MAML3: variants seen among roughly 807,000 people sequenced by gnomAD.
MAML3 encodes the protein mastermind-like protein 3.
MAML3 carries 27 observed loss-of-function variants against 101.9 expected under a neutral mutation model. The ratio of observed to expected loss-of-function variants is 0.27; its 90% CI spans 0.20 to 0.37. The LOEUF (loss-of-function observed/expected upper bound fraction) is 0.37, where lower values mean the gene tolerates loss of function less well. MAML3 is among the 10% of genes least tolerant of loss of function. The pLI, the probability that MAML3 is intolerant of heterozygous loss-of-function variation, is 1.00. For synonymous variants in MAML3, 501 were observed against 555.9 expected, an observed-to-expected ratio of 0.90 and a Z score of 1.39; for missense variants, 1,316 against 1,444.9, an observed-to-expected ratio of 0.91 and a Z score of 1.45.
chr4:139,771,613 C>T (rs770316529), intron 2 of MAML3, among the ~76,000 whole-genome samples: 10 of 152,178 alleles, frequency 6.6e-5, no homozygotes, highest in African/African-American at 9.7e-5. Flanking sequence ...CACTGCTCCT[C>T]TAGAGTTTAG....
Position 139,716,765 on chromosome 4 carries a change from A to C in MAML3, c.*2558T>G, listed in dbSNP as rs569749705. The C allele has an allele frequency of 1.3e-5, 2 of 152,476 alleles. No individual in the cohort carries two copies. Among genetic ancestry groups the C allele is most frequent in the East Asian group, 3.8e-4 (2 of 5,204 alleles). The allele number at this position is 152,476 out of a possible 1,614,324, so 9.4% of individuals were successfully genotyped here. ...ACTATACTTTGGATTGATTCAGATAATCTTTTATTTTTGTTTTTGTTTTCT... is the reference window on the plus strand; with the variant it reads ...ACTATACTTTGGATTGATTCAGATACTCTTTTATTTTTGTTTTTGTTTTCT... On this transcript the variant is annotated 3_prime_UTR_variant, in exon 5 of 5. Coordinates refer to ENST00000509479, the MANE Select transcript of MAML3 (RefSeq NM_018717.5).
At chr4:139,724,147 G>T (rs1416067476) in intron 4 of MAML3, among the ~76,000 whole-genome samples, 1 of 152,194 alleles carries the variant, frequency 6.6e-6, no homozygotes, top group Non-Finnish European at 1.5e-5. Flanking sequence ...GTCCTTCCCT[G>T]TGTCAAGGCC....
At chr4:139,769,031 A>G (rs749620107) in intron 2 of MAML3, among the ~76,000 whole-genome samples, 1 of 152,232 alleles carries the variant, frequency 6.6e-6, no homozygotes, top group Non-Finnish European at 1.5e-5. Context: ...TGCTTTGGTA[A>G]CAACAAGGTG....
intron 2 of MAML3, among the ~76,000 whole-genome samples, chr4:139,812,449 G>C (rs952983200): frequency 1.3e-5 from 2 of 152,162 alleles, no homozygotes; most frequent in African/African-American, 4.8e-5. Flanking sequence ...TAAAAGGGTT[G>C]GTGGTTTTAC....
In MAML3 at chr4:139,720,081, G is replaced by A; in HGVS notation, c.2659C>T (p.Gln887Ter). 6.2e-7 allele frequency: 1 copy of A among 1,614,056 alleles called. No individual in the cohort carries two copies. Among genetic ancestry groups the A allele is most frequent in the Non-Finnish European group, 8.5e-7 (1 of 1,179,904 alleles). Residue 887 changes from glutamine to a stop codon, truncating the protein, a stop_gained, in exon 5 of 5, where the codon CAA becomes TAA. Transcript: ENST00000509479. LOFTEE classifies it high-confidence loss of function. ...TTATGTGTGATGCTCATGCCACTTTGGTTTGGATGCTGCAACATTTGGGTC... is the reference window on the plus strand; with the variant it reads ...TTATGTGTGATGCTCATGCCACTTTAGTTTGGATGCTGCAACATTTGGGTC... ...GMTQMLQHPN[Q>*]SGMSITHNQA... is the part of the protein sequence containing the mutation.
At chr4:139,887,209 T>C (rs906747519) in intron 2 of MAML3, among the ~76,000 whole-genome samples, 2 of 152,158 alleles carry the variant, frequency 1.3e-5, no homozygotes, top group Non-Finnish European at 2.9e-5. Flanking sequence ...AAGAAATAAA[T>C]GATATGTTTG....
At chr4:139,867,037 G>C (rs2111172551) in intron 2 of MAML3, among the ~76,000 whole-genome samples, 1 of 152,314 alleles carries the variant, frequency 6.6e-6, no homozygotes, top group South Asian at 2.1e-4. Flanking sequence ...AAAGAGGCTT[G>C]CTTTAATGAA....
chr4:139,816,822 T>C (rs1279059764), intron 2 of MAML3, among the ~76,000 whole-genome samples: 3 of 152,114 alleles, frequency 2.0e-5, no homozygotes, highest in African/African-American at 7.2e-5. Flanking sequence ...TCAACATTTA[T>C]CTTGTCCTAT....
intron 2 of MAML3, among the ~76,000 whole-genome samples, chr4:139,763,870 G>A (rs537362319): frequency 6.6e-6 from 1 of 152,308 alleles, no homozygotes; most frequent in East Asian, 1.9e-4. Context: ...AATATACCAA[G>A]TTCATGGCAG....
In MAML3 at chr4:139,717,121, C is replaced by CT. The variant is rs1266484721; in HGVS notation, c.*2201dup. On this transcript the variant is annotated 3_prime_UTR_variant, in exon 5 of 5. Coordinates refer to ENST00000509479, the MANE Select transcript of MAML3 (RefSeq NM_018717.5). Reference sequence around the variant, plus strand: ...ATTGTAAAAACTTATGTACAAATAACTTTTTTTAGACATTACATATACATC... The same window carrying CT: ...ATTGTAAAAACTTATGTACAAATAACTTTTTTTTAGACATTACATATACATC... 6.6e-6 allele frequency: 1 copy of CT among 152,458 alleles called. No individual in the cohort carries two copies. 9.4% of individuals were successfully genotyped at this position (152,458 alleles called of 1,614,324 possible).
At chr4:140,056,419 G>A (rs1307981018) in intron 1 of MAML3, among the ~76,000 whole-genome samples, 1 of 150,296 alleles carries the variant, frequency 6.7e-6, no homozygotes, top group Non-Finnish European at 1.5e-5. Context: ...GTGCAATGGC[G>A]CGATCTCGGC....
intron 1 of MAML3, among the ~76,000 whole-genome samples, chr4:140,062,978 T>C: frequency 6.6e-6 from 1 of 152,332 alleles, no homozygotes; most frequent in East Asian, 1.9e-4. Flanking sequence ...ATAGAAAGTA[T>C]TACCACTCAT....
chr4:139,987,642 G>C (rs977430169), intron 1 of MAML3, among the ~76,000 whole-genome samples: 1 of 152,032 alleles, frequency 6.6e-6, no homozygotes, highest in Non-Finnish European at 1.5e-5. Flanking sequence ...GGGAGTTCTC[G>C]GCATGAATCA....
chr4:139,807,125 T>C (rs1026733224), intron 2 of MAML3, among the ~76,000 whole-genome samples: 4 of 152,216 alleles, frequency 2.6e-5, no homozygotes, highest in African/African-American at 7.2e-5. Flanking sequence ...CTGGCTTCTA[T>C]TCCAGTTTCT....
chr4:139,760,701 T>C (rs111523348), intron 2 of MAML3, among the ~76,000 whole-genome samples: 2 of 152,298 alleles, frequency 1.3e-5, no homozygotes, highest in African/African-American at 4.8e-5. Flanking sequence ...TGTACTACTA[T>C]ATTCTATACC....
intron 2 of MAML3, among the ~76,000 whole-genome samples, chr4:139,765,912 A>G (rs1729847189): frequency 6.6e-6 from 1 of 152,136 alleles, no homozygotes; most frequent in African/African-American, 2.4e-5. Context: ...GCTTGAGCCC[A>G]GGAGATCATG....
intron 1 of MAML3, among the ~76,000 whole-genome samples, chr4:140,044,710 T>A (rs1283642754): frequency 6.6e-6 from 1 of 152,102 alleles, no homozygotes; most frequent in Non-Finnish European, 1.5e-5. Context: ...GGGCAAGAAA[T>A]GGTAAAATGC....
intron 1 of MAML3, among the ~76,000 whole-genome samples, chr4:140,065,545 A>G (rs1308826178): frequency 6.6e-6 from 1 of 152,174 alleles, no homozygotes; most frequent in East Asian, 1.9e-4. Context: ...AATAAACTCG[A>G]TGCAGACAGT....
chr4:140,001,445 A>G lies in MAML3; in HGVS notation c.469-110478T>C, dbSNP rs116146095. Among the ~76,000 whole-genome samples the G allele has an allele frequency of 5.9e-3, 896 of 152,340 alleles. 8 individuals carry two copies. Among genetic ancestry groups the G allele is most frequent in the African/African-American group, 0.02 (813 of 41,568 alleles). On this transcript the variant is annotated intron_variant, in intron 1 of 4. Transcript: ENST00000509479. ...ATACCCCCAAGAGGTCTCAGAGTTA[A>G]TAAGTCGCAGAGTGAGAAAAAGTCA...
Sources: gnomAD v4.1 joint callset for allele counts (sites outside exome capture counted in the v4.1 genomes callset) on GRCh38, gnomAD v4.1.1 for gene constraint, MANE v1.5 for transcripts, NCBI Gene and HGNC (gene_info 2026-07-23, HGNC 2026-07-21) for gene names.